The following ADGRL1 variants were observed in gnomAD, a reference collection of about 807,000 sequenced individuals.
The protein encoded by ADGRL1 is adhesion G protein-coupled receptor L1.
In ADGRL1, 31 loss-of-function variants were observed where a neutral mutation model predicts 148.9. The ratio of observed to expected loss-of-function variants is 0.21; its 90% CI spans 0.16 to 0.28. The LOEUF is 0.28. Among genes scored for constraint, ADGRL1 ranks in the 10% least tolerant of loss-of-function variants. ADGRL1 has a pLI of 1.00. For missense variants in ADGRL1, 1,521 were observed against 2,058.8 expected (o/e 0.74, Z 5.05); for synonymous variants, 937 against 900.3 (o/e 1.04, Z -0.73).
intron 4 of ADGRL1, among the ~76,000 whole-genome samples, chr19:14,167,809 G>A: frequency 6.6e-6 from 1 of 152,144 alleles, no homozygotes; most frequent in East Asian, 1.9e-4. Flanking sequence ...AGCAAGTGGG[G>A]GCACAGACAC....
At chr19:14,151,810 G>A (rs560188972) in intron 22 of ADGRL1, among the ~76,000 whole-genome samples, 195 bp from the exon 23 acceptor site, 26 of 152,162 alleles carry the variant, frequency 1.7e-4, no homozygotes, top group Admixed American at 1.6e-3. Context: ...GCCCAGCAGC[G>A]TATTGATGAA....
chr19:14,160,288 C>T lies in ADGRL1; in HGVS notation c.1624G>A (p.Gly542Arg), dbSNP rs1020229195. ...VNQVAQKIKS[G>R]ENAANIASEL... Reference sequence around the variant, plus strand: ...CTGGCGATGTTGGCCGCGTTCTCCCCACTCTTGATCTGCATGAGGTGGGGG... The same window carrying T: ...CTGGCGATGTTGGCCGCGTTCTCCCTACTCTTGATCTGCATGAGGTGGGGG... Residue 542 changes from glycine to arginine, a missense_variant, in exon 8 of 23, where the codon GGG becomes AGG. Gly to Arg is a moderately radical substitution (Grantham distance 125). Transcript: ENST00000361434. The surrounding 1 kb of genome is among the most constrained non-coding windows in gnomAD (Gnocchi z 5.9). 6.3e-6 allele frequency: 10 copies of T among 1,588,980 alleles called. No homozygotes were observed. The highest frequency in any genetic ancestry group is 8.6e-6 in the Non-Finnish European group (10 of 1,160,076).
intron 1 of ADGRL1, among the ~76,000 whole-genome samples, chr19:14,184,765 G>C (rs1041890231): frequency 3.3e-5 from 5 of 151,302 alleles, no homozygotes; most frequent in Non-Finnish European, 5.9e-5. Flanking sequence ...TCAGCCTCCC[G>C]AGTAGCTGGG....
In ADGRL1 at chr19:14,156,154, G is replaced by A. The variant is rs1599394651; in HGVS notation, c.3081C>T (p.Ser1027=). The change falls in exon 17 of 23, where the codon AGC becomes AGT. Residue 1027 remains serine, a synonymous_variant. Transcript: ENST00000361434. Reference sequence around the variant, plus strand: ...TGGAGTCGGGCTTGAGCACAGATGAGCTTCGGATCATCTTGTGCAGGGTCA... The same window carrying A: ...TGGAGTCGGGCTTGAGCACAGATGAACTTCGGATCATCTTGTGCAGGGTCA... The part of the protein sequence containing the change: ...LMVTLHKMIR[S]SSVLKPDSSR... The A allele has an allele frequency of 1.2e-6, 2 of 1,612,818 alleles. No individual in the cohort carries two copies. The highest frequency in any genetic ancestry group is 2.2e-5 in the East Asian group (1 of 44,814).
rs529312771 is a variant in ADGRL1, at chr19:14,205,433, C to T, written c.-96+552G>A. Among the ~76,000 whole-genome samples the T allele has an allele frequency of 2.6e-5, 4 of 152,124 alleles. No individual in the cohort carries two copies. The East Asian group carries it at 7.8e-4, about 30-fold the overall frequency. ...CCCAGACGGACCCCTCCCCATCCCC[C>T]GCGCCACTGCCTCCCAGAGAAAAAC... On this transcript the variant is annotated intron_variant, in intron 1 of 22. Coordinates refer to ENST00000361434, the MANE Select transcript of ADGRL1 (RefSeq NM_014921.5).
intron 1 of ADGRL1, among the ~76,000 whole-genome samples, chr19:14,205,111 G>T (rs1269965935): frequency 6.6e-6 from 1 of 152,102 alleles, no homozygotes; most frequent in Non-Finnish European, 1.5e-5. Flanking sequence ...GAGATACCTG[G>T]GAGGGCATTT....
chr19:14,204,301 C>T lies in ADGRL1; in HGVS notation c.-96+1684G>A, dbSNP rs1038001607. 1.2e-4 allele frequency among the ~76,000 whole-genome samples: 19 copies of T among 152,080 alleles called. 1 individual carries two copies. The highest frequency in any genetic ancestry group is 4.1e-4 in the African/African-American group (17 of 41,418). ...AGGGAGGAAGGAGAAGTCACCTGCC[C>T]CCCAAAGCTGGGGCCTGACAGGGAC... On this transcript the variant is annotated intron_variant, in intron 1 of 22. Coordinates refer to ENST00000361434, the MANE Select transcript of ADGRL1 (RefSeq NM_014921.5).
intron 4 of ADGRL1, 42 bp from the exon 5 acceptor site, chr19:14,163,448 G>C (rs1275268806): frequency 1.5e-6 from 2 of 1,363,184 alleles, no homozygotes; most frequent in South Asian, 2.7e-5. Flanking sequence ...GGAGAGAAGG[G>C]GCAGAGGCGA....
intron 1 of ADGRL1, 78 bp from the exon 2 acceptor site, chr19:14,183,775 G>T: frequency 1.7e-6 from 1 of 602,528 alleles, no homozygotes; most frequent in South Asian, 2.0e-5. Flanking sequence ...TGGCTGAGTA[G>T]CTCTGAGAGG....
Position 14,185,576 on chromosome 19 carries a change from G to A in ADGRL1, c.-95-1879C>T, listed in dbSNP as rs145550200. On this transcript the variant is annotated intron_variant, in intron 1 of 22. Transcript: ENST00000361434. Reference sequence around the variant, plus strand: ...CCCAAAGTGCTGGGATTACAGGCGTGAGCCACTGTGCTGGCCAGAAACACA... The same window carrying A: ...CCCAAAGTGCTGGGATTACAGGCGTAAGCCACTGTGCTGGCCAGAAACACA... Among the ~76,000 whole-genome samples, 893 of 152,294 alleles carry A rather than the reference G, an allele frequency of 5.9e-3. 3 individuals are homozygous for A. The highest frequency in any genetic ancestry group is 0.011 in the Non-Finnish European group (740 of 68,016).
intron 3 of ADGRL1, 26 bp from the exon 4 acceptor site, chr19:14,170,817 G>GA: frequency 1.1e-6 from 1 of 875,854 alleles, no homozygotes; most frequent in Admixed American, 2.0e-5. Context: ...AGGGCATTGG[G>GA]AAAGAAACAC....
rs1329810816 is a variant in ADGRL1, at chr19:14,187,673, G to A, written c.-95-3976C>T. ...TTTTACAGCGTGTTACCCCGCCGCC[G>A]CCACCAGCCCCTATCCGCATCTCCC... On this transcript the variant is annotated intron_variant, in intron 1 of 22. Coordinates refer to ENST00000361434, the MANE Select transcript of ADGRL1 (RefSeq NM_014921.5). Among the ~76,000 whole-genome samples, 6 of 149,856 alleles carry A rather than the reference G, an allele frequency of 4.0e-5. 1 individual carries two copies. The South Asian group carries it at 8.4e-4, about 21-fold the overall frequency.
intron 16 of ADGRL1, 29 bp from the exon 17 acceptor site, chr19:14,156,230 C>T (rs1968728801): frequency 1.3e-6 from 2 of 1,551,114 alleles, no homozygotes; most frequent in Non-Finnish European, 1.8e-6. Context: ...GCAGGCTGGG[C>T]TGAGAGTGGC....
rs536633838 is a variant in ADGRL1, at chr19:14,178,751, A to G, written c.71-1007T>C. 1.7e-3 allele frequency among the ~76,000 whole-genome samples: 255 copies of G among 152,220 alleles called. 2 individuals are homozygous for G. The highest frequency in any genetic ancestry group is 5.5e-3 in the African/African-American group (230 of 41,552). ...GCCCAAGCTAGTCTGGTCTCAAGCA[A>G]TCCTCCTGCCTTGGCCTCTCAAAGT... On this transcript the variant is annotated intron_variant, in intron 2 of 22. Transcript: ENST00000361434.
At chr19:14,175,521 CAT>C (rs2144935451) in intron 3 of ADGRL1, among the ~76,000 whole-genome samples, 1 of 152,004 alleles carries the variant, frequency 6.6e-6, no homozygotes, top group East Asian at 1.9e-4. Context: ...CAAATACACT[CAT>C]ATAACCACAT....
Position 14,150,622 on chromosome 19 carries a change from GCTC to G in ADGRL1, c.*248_*250del, listed in dbSNP as rs1292196282. 29 of 529,392 alleles carry G rather than the reference GCTC, an allele frequency of 5.5e-5. No homozygotes were observed. Among genetic ancestry groups the G allele is most frequent in the Non-Finnish European group, 9.3e-5 (28 of 301,806 alleles). 32.8% of individuals were successfully genotyped at this position (529,392 alleles called of 1,614,324 possible). A position where few individuals can be genotyped will look rare whatever the true frequency, so the allele number is the denominator to read the frequency against. On this transcript the variant is annotated 3_prime_UTR_variant, in exon 23 of 23. Coordinates refer to ENST00000361434, the MANE Select transcript of ADGRL1 (RefSeq NM_014921.5). ...TCCTCACTCCCCTGGGGTCCTCTGG[GCTC>G]CTCCTCACTACACTTCCCCCAAATA... is the stretch of plus-strand genomic sequence containing the variant.
intron 1 of ADGRL1, among the ~76,000 whole-genome samples, chr19:14,203,933 A>G (rs1279410217): frequency 6.6e-6 from 1 of 151,990 alleles, no homozygotes; most frequent in Admixed American, 6.6e-5. Context: ...GAGCGGGGCC[A>G]TGAGGGAGGT....
rs376920609 is a variant in ADGRL1, at chr19:14,161,489, G to A, written c.1333C>T (p.Leu445=). 3.8e-5 allele frequency: 55 copies of A among 1,441,668 alleles called. No homozygotes were observed. The African/African-American group carries it at 7.1e-4, about 19-fold the overall frequency. The allele number at this position is 1,441,668 out of a possible 1,614,324, so 89.3% of individuals were successfully genotyped here. A position where few individuals can be genotyped will look rare whatever the true frequency, so the allele number is the denominator to read the frequency against. The change falls in exon 6 of 23, where the codon CTG becomes TTG. Residue 445 remains leucine (L), a synonymous_variant. Transcript: ENST00000361434. The surrounding 1 kb of genome is among the most constrained non-coding windows in gnomAD (Gnocchi z 4.4). The stretch of plus-strand genomic sequence containing the variant: ...GTGGCTGGAGGCAGATCAGGTCCCA[G>A]CTGGTTGATGGCACCCACTGGGTGC... ...TTHPVGAINQ[L]GPDLPPATAP...
At chr19:14,182,954 CCTCTT>C (rs1971302178) in intron 2 of ADGRL1, among the ~76,000 whole-genome samples, 2 of 152,008 alleles carry the variant, frequency 1.3e-5, no homozygotes, top group Admixed American at 1.3e-4. Flanking sequence ...GGCCTACTGG[CCTCTT>C]CTCTTGGCCT....
Sources: gnomAD v4.1 joint callset for allele counts (sites outside exome capture counted in the v4.1 genomes callset) on GRCh38, gnomAD v4.1.1 for gene constraint, Gnocchi (gnomAD v3.1) non-coding constraint, MANE v1.5 for transcripts, NCBI Gene and HGNC (gene_info 2026-07-23, HGNC 2026-07-21) for gene names.